Variants in ZFP90 observed in about 807,000 individuals in gnomAD.
ZFP90 encodes the protein ZFP90 zinc finger protein, also known as zinc finger protein 90 homolog.
ZFP90 carries 38 observed loss-of-function variants against 60.8 expected under a neutral mutation model. That is an observed-to-expected ratio of 0.62 (90% confidence interval 0.48 to 0.82). ZFP90 has a LOEUF of 0.82. Among genes scored for constraint, ZFP90 ranks in the 40% least tolerant of loss-of-function variants. The pLI is 0.00. For synonymous variants in ZFP90, 287 were observed against 264.8 expected (o/e 1.08, Z -0.82); for missense variants, 711 against 759.1 (o/e 0.94, Z 0.74).
At chr16:68,537,415 C>CGCACCCGGCAT (rs2090969243), upstream of ZFP90, among the ~76,000 whole-genome samples, 1 of 152,096 alleles carries the variant, frequency 6.6e-6, no homozygotes, top group Non-Finnish European at 1.5e-5. Flanking sequence ...CGTGAGCCAC[C>CGCACCCGGCAT]ATGCCCAGCC....
intron 2 of ZFP90, among the ~76,000 whole-genome samples, chr16:68,574,944 T>TAAAAAAA (rs2091586351): frequency 1.6e-4 from 11 of 69,972 alleles, no homozygotes; most frequent in African/African-American, 4.4e-4. Flanking sequence ...AAAAAAAAAG[T>TAAAAAAA]GGAAAAAAAA....
At chr16:68,558,408 T>G (rs1341202796) in intron 3 of ZFP90, 65 bp from the exon 4 acceptor site, 1 of 1,465,866 alleles carries the variant, frequency 6.8e-7, no homozygotes, top group Non-Finnish European at 9.5e-7. Context: ...TACTGACTTG[T>G]CCTTAGGAGG....
chr16:68,554,516 G>C (rs1314069099), intron 2 of ZFP90, among the ~76,000 whole-genome samples: 1 of 152,150 alleles, frequency 6.6e-6, no homozygotes, highest in Non-Finnish European at 1.5e-5. Context: ...GAGAAAAAGG[G>C]GATTGGGATC....
At chr16:68,562,946 G>C in intron 4 of ZFP90, 98 bp from the exon 5 acceptor site, 2 of 1,560,032 alleles carry the variant, frequency 1.3e-6, no homozygotes, top group Non-Finnish European at 1.7e-6. Context: ...TTTCAAAACA[G>C]AGTCATATGT....
At chr16:68,575,764 A>G (rs984134731) in intron 2 of ZFP90, 1 of 398,202 alleles carries the variant, frequency 2.5e-6, no homozygotes, top group Non-Finnish European at 4.4e-6. Flanking sequence ...GTTGGGTTTC[A>G]GTGGGGACCT....
chr16:68,561,935 C>A (rs996326146), intron 4 of ZFP90: 1 of 151,790 alleles, frequency 6.6e-6, no homozygotes, highest in Admixed American at 6.6e-5. Context: ...CAGTCAATAC[C>A]ACATACCTAC....
intron 2 of ZFP90, among the ~76,000 whole-genome samples, chr16:68,556,937 C>CA (rs1315091657): frequency 1.3e-5 from 2 of 152,142 alleles, no homozygotes; most frequent in Non-Finnish European, 2.9e-5. Flanking sequence ...TTGATGTAGT[C>CA]AAGGAACATC....
At chr16:68,561,602 T>C (rs1364109) in intron 4 of ZFP90, among the ~76,000 whole-genome samples, 116,923 of 152,158 alleles carry the variant, frequency 0.77, 45,018 homozygotes, top group East Asian at 0.82. Flanking sequence ...CTTGTTTCTC[T>C]TCAAGCTCTG....
chr16:68,564,929 GAT>G lies in ZFP90; in HGVS notation c.*234_*235del. On this transcript the variant is annotated 3_prime_UTR_variant, in exon 5 of 5. Transcript: ENST00000563169. The stretch of plus-strand genomic sequence containing the variant: ...TACATGTATGTAGCTGGTTGGGGAT[GAT>G]ATGCCTGTATGTTGGACTTTGCTTT... 7.8e-7 allele frequency: 1 copy of G among 1,280,848 alleles called. No individual in the cohort carries two copies. The highest frequency in any genetic ancestry group is 3.1e-5 in the East Asian group (1 of 32,290). 79.3% of individuals were successfully genotyped at this position (1,280,848 alleles called of 1,614,324 possible).
upstream of ZFP90, chr16:68,535,655 G>A (rs957198731): frequency 2.6e-5 from 4 of 151,612 alleles, no homozygotes; most frequent in African/African-American, 9.7e-5. Flanking sequence ...AGTCTCTACG[G>A]AGACTGAAAT....
intron 2 of ZFP90, among the ~76,000 whole-genome samples, chr16:68,573,469 C>T (rs2091578155): frequency 6.6e-6 from 1 of 152,180 alleles, no homozygotes; most frequent in South Asian, 2.1e-4. Flanking sequence ...CACAGCAAGA[C>T]CTGTCTCTAA....
chr16:68,573,372 A>T (rs1404926799), intron 2 of ZFP90, among the ~76,000 whole-genome samples: 1 of 152,204 alleles, frequency 6.6e-6, no homozygotes, highest in Non-Finnish European at 1.5e-5. Context: ...TGGCACACTT[A>T]AAATCCCAGA....
At position 68,566,473 on chromosome 16, in the gene ZFP90, C is replaced by G. The variant is rs2091529388; in HGVS notation, c.*1775C>G. 1.0e-6 allele frequency: 1 copy of G among 985,400 alleles called. No homozygotes were observed. Among genetic ancestry groups the G allele is most frequent in the Admixed American group, 6.2e-5 (1 of 16,246 alleles). 61.0% of individuals were successfully genotyped at this position (985,400 alleles called of 1,614,324 possible). On this transcript the variant is annotated 3_prime_UTR_variant, in exon 5 of 5. Transcript: ENST00000563169. ...CCTTTCTCTCATCATGGATGGCATG[C>G]AGCAGCACCCAAGTATTCTTCATTC...
intron 2 of ZFP90, among the ~76,000 whole-genome samples, chr16:68,550,710 G>A (rs1310986646): frequency 1.3e-5 from 2 of 152,152 alleles, no homozygotes; most frequent in African/African-American, 4.8e-5. Flanking sequence ...ATAATGAATA[G>A]CCACATGTGG....
downstream of ZFP90, among the ~76,000 whole-genome samples, chr16:68,569,746 CA>C (rs60296047): frequency 1.0e-4 from 15 of 149,496 alleles, no homozygotes; most frequent in South Asian, 1.9e-3. Flanking sequence ...ACCAAAAATG[CA>C]AAAAAAAATG....
At position 68,566,847 on chromosome 16, in the gene ZFP90, C is replaced by G. The variant is rs1385674166; in HGVS notation, c.*2149C>G. ...AATTGTAACCAACTGAGTGCTGCCC[C>G]CACTGTTACGGAAGTTTATAAAACC... On this transcript the variant is annotated 3_prime_UTR_variant, in exon 5 of 5. Coordinates refer to ENST00000563169, the MANE Select transcript of ZFP90 (RefSeq NM_001305203.2). The G allele has an allele frequency of 1.0e-6, 1 of 985,436 alleles. No homozygotes were observed. The highest frequency in any genetic ancestry group is 1.7e-5 in the African/African-American group (1 of 57,220). 61.0% of individuals were successfully genotyped at this position (985,436 alleles called of 1,614,324 possible). A position where few individuals can be genotyped will look rare whatever the true frequency, so the allele number is the denominator to read the frequency against.
In ZFP90 at chr16:68,566,486, G is replaced by A. The variant is rs1262463942; in HGVS notation, c.*1788G>A. On this transcript the variant is annotated 3_prime_UTR_variant, in exon 5 of 5. Transcript: ENST00000563169. ...ATGGATGGCATGCAGCAGCACCCAA[G>A]TATTCTTCATTCTTTGCAGGGAAAA... The A allele has an allele frequency of 1.0e-6, 1 of 985,420 alleles. No individual in the cohort carries two copies. Among genetic ancestry groups the A allele is most frequent in the Non-Finnish European group, 1.2e-6 (1 of 829,942 alleles). The allele number at this position is 985,420 out of a possible 1,614,324, so 61.0% of individuals were successfully genotyped here. A position where few individuals can be genotyped will look rare whatever the true frequency, so the allele number is the denominator to read the frequency against.
intron 2 of ZFP90, 86 bp from the exon 3 acceptor site, chr16:68,557,912 C>A: frequency 6.4e-7 from 1 of 1,567,404 alleles, no homozygotes; most frequent in East Asian, 2.3e-5. Context: ...ATCACCACTT[C>A]TGATAGCTCC....
At position 68,565,958 on chromosome 16, in the gene ZFP90, CT is replaced by C. The variant is rs1366204446; in HGVS notation, c.*1263del. 6.1e-5 allele frequency: 43 copies of C among 708,918 alleles called. No homozygotes were observed. Among genetic ancestry groups the C allele is most frequent in the South Asian group, 6.3e-5 (1 of 15,928 alleles). The allele number at this position is 708,918 out of a possible 1,614,324, so 43.9% of individuals were successfully genotyped here. A position where few individuals can be genotyped will look rare whatever the true frequency, so the allele number is the denominator to read the frequency against. On this transcript the variant is annotated 3_prime_UTR_variant, in exon 5 of 5. Coordinates refer to ENST00000563169, the MANE Select transcript of ZFP90 (RefSeq NM_001305203.2). ...TGGACAACATGGTGAAACCCCATCT[CT>C]TTAAAAAAAAAAAAAAATCCAAAAA...
Sources: allele counts gnomAD v4.1 joint callset (sites outside exome capture counted in the v4.1 genomes callset), GRCh38; gene constraint gnomAD v4.1.1; transcripts MANE v1.5; gene names NCBI Gene and HGNC (gene_info 2026-07-23, HGNC 2026-07-21).